Variants in NR3C1 observed in about 807,000 individuals in gnomAD.
The protein encoded by NR3C1 is nuclear receptor subfamily 3 group C member 1, also known as glucocorticoid receptor.
A neutral mutation model predicts 74.0 loss-of-function variants in NR3C1; 14 were observed. The ratio of observed to expected loss-of-function variants is 0.19; its 90% CI spans 0.12 to 0.30. The LOEUF (loss-of-function observed/expected upper bound fraction) is 0.30, where lower values mean the gene tolerates loss of function less well. NR3C1 is among the 10% of genes least tolerant of loss of function. The pLI is 1.00. For missense variants in NR3C1, 695 were observed against 909.8 expected (o/e 0.76, Z 3.04); for synonymous variants, 308 against 332.5 (o/e 0.93, Z 0.80).
upstream of NR3C1, chr5:143,404,124 G>GC: frequency 1.0e-6 from 1 of 985,372 alleles, no homozygotes; most frequent in Middle Eastern, 5.2e-4. Flanking sequence ...GGCAAGCGCC[G>GC]CCAGTGCCCC....
intron 2 of NR3C1, among the ~76,000 whole-genome samples, chr5:143,341,637 A>G (rs1828246798): frequency 6.6e-6 from 1 of 152,230 alleles, no homozygotes; most frequent in African/African-American, 2.4e-5. Context: ...TAGTATTAGC[A>G]TATTTTTTGA....
chr5:143,431,556 A>C (rs1244987909), intron 1 of NR3C1, among the ~76,000 whole-genome samples: 1 of 152,130 alleles, frequency 6.6e-6, no homozygotes, highest in Non-Finnish European at 1.5e-5. Context: ...TGCGAGGCTT[A>C]AAACCTAGGT....
intron 2 of NR3C1, among the ~76,000 whole-genome samples, chr5:143,345,109 C>T (rs1016328064): frequency 7.2e-5 from 11 of 152,132 alleles, no homozygotes; most frequent in African/African-American, 2.7e-4. Flanking sequence ...AATGGGGTGG[C>T]GTCCTGTCTA....
chr5:143,366,012 C>T (rs760088870), intron 2 of NR3C1, among the ~76,000 whole-genome samples: 24 of 152,156 alleles, frequency 1.6e-4, no homozygotes, highest in Non-Finnish European at 2.8e-4. Flanking sequence ...AAAGCATATA[C>T]ATTTCTGAGA....
At chr5:143,353,449 T>C (rs1488471983) in intron 2 of NR3C1, among the ~76,000 whole-genome samples, 1 of 152,200 alleles carries the variant, frequency 6.6e-6, no homozygotes, top group African/African-American at 2.4e-5. Flanking sequence ...AATCACTGTC[T>C]ATAGCAGCTA....
chr5:143,375,705 A>G lies in NR3C1; in HGVS notation c.1184+23951T>C, dbSNP rs1835070679. ...AAAAGTAACCAAAAGATTAGTAACC[A>G]TGCTAACAGCAGAGAGCCACTTGAC... On this transcript the variant is annotated intron_variant, in intron 2 of 8. Coordinates refer to ENST00000394464, the MANE Select transcript of NR3C1 (RefSeq NM_000176.3). 4 of 152,352 alleles carry G rather than the reference A, an allele frequency of 2.6e-5. No individual in the cohort carries two copies. In the South Asian group the frequency reaches 8.3e-4, roughly 32 times the overall value. 9.4% of individuals were successfully genotyped at this position (152,352 alleles called of 1,614,324 possible).
intron 1 of NR3C1, among the ~76,000 whole-genome samples, chr5:143,402,165 C>G (rs542066524): frequency 1.3e-5 from 2 of 152,194 alleles, no homozygotes; most frequent in Non-Finnish European, 2.9e-5. Flanking sequence ...CCCCGTTTAT[C>G]TGAGGCGATA....
At chr5:143,392,364 G>T (rs192489750) in intron 2 of NR3C1, among the ~76,000 whole-genome samples, 22 of 152,318 alleles carry the variant, frequency 1.4e-4, no homozygotes, top group Non-Finnish European at 2.5e-4. Context: ...ACAAAAAGCA[G>T]TAAGTGACTT....
upstream of NR3C1, among the ~76,000 whole-genome samples, chr5:143,408,360 A>C (rs1841182933): frequency 6.6e-6 from 1 of 152,240 alleles, no homozygotes; most frequent in African/African-American, 2.4e-5. Context: ...TGAAGTGCTT[A>C]GACGAATTCC....
At chr5:143,303,623 CA>C (rs1818958186) in intron 4 of NR3C1, among the ~76,000 whole-genome samples, 1 of 149,818 alleles carries the variant, frequency 6.7e-6, no homozygotes, top group South Asian at 2.1e-4. Flanking sequence ...GGTAGAGAAA[CA>C]ACAACAACAA....
chr5:143,367,370 C>T (rs1833428604), intron 2 of NR3C1, among the ~76,000 whole-genome samples: 1 of 152,198 alleles, frequency 6.6e-6, no homozygotes, highest in African/African-American at 2.4e-5. Flanking sequence ...TCATTCTCAC[C>T]ACTGCTATTC....
chr5:143,292,061 G>GTAAT (rs1347011865), intron 7 of NR3C1, among the ~76,000 whole-genome samples: 1 of 152,168 alleles, frequency 6.6e-6, no homozygotes, highest in Non-Finnish European at 1.5e-5. Flanking sequence ...CAAAACTGAA[G>GTAAT]TAATTAGACT....
At chr5:143,388,179 C>T (rs1403581869) in intron 2 of NR3C1, among the ~76,000 whole-genome samples, 5 of 152,128 alleles carry the variant, frequency 3.3e-5, no homozygotes, top group Admixed American at 6.5e-5. Context: ...GAAAAGCAAT[C>T]CATTTCGAAG....
intron 4 of NR3C1, 61 bp downstream of exon 4, chr5:143,310,036 T>C (rs1158643238): frequency 1.6e-6 from 2 of 1,264,638 alleles, no homozygotes; most frequent in Non-Finnish European, 2.3e-6. Context: ...TCTTCAAAAG[T>C]AAAATGATAA....
At chr5:143,347,345 C>T (rs900859713) in intron 2 of NR3C1, among the ~76,000 whole-genome samples, 13 of 151,692 alleles carry the variant, frequency 8.6e-5, no homozygotes, top group African/African-American at 2.7e-4. Flanking sequence ...CAGACACACA[C>T]ACACACGAAT....
intron 2 of NR3C1, among the ~76,000 whole-genome samples, chr5:143,337,660 C>T (rs926830445): frequency 3.3e-5 from 5 of 151,986 alleles, no homozygotes; most frequent in South Asian, 2.1e-4. Flanking sequence ...AATGAATAAA[C>T]GACAGCTGTA....
At chr5:143,293,104 C>T (rs1196963297) in intron 7 of NR3C1, among the ~76,000 whole-genome samples, 1 of 152,102 alleles carries the variant, frequency 6.6e-6, no homozygotes, top group Non-Finnish European at 1.5e-5. Context: ...TGTTTTTAAA[C>T]TTACTAAATA....
intron 2 of NR3C1, among the ~76,000 whole-genome samples, chr5:143,373,437 C>A (rs1459035448): frequency 7.4e-6 from 1 of 135,326 alleles, no homozygotes; most frequent in Non-Finnish European, 1.5e-5. Context: ...GTTAAAAAAA[C>A]AAGTTATAAA....
intron 1 of NR3C1, among the ~76,000 whole-genome samples, chr5:143,427,273 A>G (rs1751581225): frequency 6.6e-6 from 1 of 152,084 alleles, no homozygotes; most frequent in Admixed American, 6.6e-5. Context: ...GTTTTTTAAT[A>G]GTGAAAATAT....
Sources: gnomAD v4.1 joint callset for allele counts (sites outside exome capture counted in the v4.1 genomes callset) on GRCh38, gnomAD v4.1.1 for gene constraint, MANE v1.5 for transcripts, NCBI Gene and HGNC (gene_info 2026-07-23, HGNC 2026-07-21) for gene names.